Variants in PEX5L observed in about 807,000 individuals in gnomAD.
The protein encoded by PEX5L is peroxisomal biogenesis factor 5 like.
PEX5L carries 30 observed loss-of-function variants against 84.0 expected under a neutral mutation model. The observed-to-expected ratio is 0.36, with a 90% CI of 0.27 to 0.48. PEX5L has a LOEUF of 0.48. Ranked by LOEUF, PEX5L falls within the 20% of genes least tolerant of loss-of-function variation. The probability of loss-of-function intolerance (pLI) is 0.99; values close to 1 mark genes in which losing one functional copy is unlikely to be tolerated. For missense variants in PEX5L, 533 were observed against 754.6 expected, an observed-to-expected ratio of 0.71 and a Z score of 3.44; for synonymous variants, 270 against 283.1, an observed-to-expected ratio of 0.95 and a Z score of 0.46.
At position 179,997,801 on chromosome 3, in the gene PEX5L, T is replaced by G. The variant is rs535042767; in HGVS notation, c.22-26136A>C. Among the ~76,000 whole-genome samples, 3 of 152,378 alleles carry G rather than the reference T, an allele frequency of 2.0e-5. No homozygotes were observed. The East Asian group carries it at 5.8e-4, about 29-fold the overall frequency. On this transcript the variant is annotated intron_variant, in intron 1 of 14. Coordinates refer to ENST00000467460, the MANE Select transcript of PEX5L (RefSeq NM_016559.3). The stretch of plus-strand genomic sequence containing the variant: ...TGGTACCTGGTATGCAGCCACTGAC[T>G]TGGCAAATGCCTTTTTCTCCATTCC...
intron 1 of PEX5L, among the ~76,000 whole-genome samples, chr3:179,980,614 T>TCTTCATGAATATC (rs1786234744): frequency 6.6e-6 from 1 of 152,242 alleles, no homozygotes; most frequent in Non-Finnish European, 1.5e-5. Flanking sequence ...CCTACCATAT[T>TCTTCATGAATATC]CTTCATGAAT....
At chr3:180,027,628 T>C (rs752902374) in intron 1 of PEX5L, among the ~76,000 whole-genome samples, 1 of 152,140 alleles carries the variant, frequency 6.6e-6, no homozygotes, top group Non-Finnish European at 1.5e-5. Context: ...AGTATAGTCA[T>C]CCAGTTCAAA....
chr3:180,028,814 G>T (rs1291158621), intron 1 of PEX5L, among the ~76,000 whole-genome samples: 13 of 152,210 alleles, frequency 8.5e-5, no homozygotes, highest in African/African-American at 2.9e-4. Context: ...ATAAGGAACT[G>T]TTGACCTAGA....
intron 5 of PEX5L, 30 bp from the exon 6 acceptor site, chr3:179,875,507 AG>A: frequency 8.1e-7 from 1 of 1,232,736 alleles, no homozygotes; most frequent in Non-Finnish European, 1.1e-6. Flanking sequence ...CAGGTGAGGC[AG>A]GTGGCGGCAG....
In PEX5L at chr3:179,795,807, T is replaced by C. The variant is rs1305994447; in HGVS notation, c.*6021A>G. 1 of 152,212 alleles carries C rather than the reference T, an allele frequency of 6.6e-6. No individual in the cohort carries two copies. The highest frequency in any genetic ancestry group is 1.5e-5 in the Non-Finnish European group (1 of 68,032). The allele number at this position is 152,212 out of a possible 1,614,324, so 9.4% of individuals were successfully genotyped here. ...GCAATATTCATAGATATATAAAATATGTAGAAATGTCTTTTCTAAATAGTT... is the reference window on the plus strand; with the variant it reads ...GCAATATTCATAGATATATAAAATACGTAGAAATGTCTTTTCTAAATAGTT... On this transcript the variant is annotated 3_prime_UTR_variant, in exon 15 of 15. Transcript: ENST00000467460.
At position 179,879,915 on chromosome 3, in the gene PEX5L, A is replaced by G. The variant is rs1304473453; in HGVS notation, c.505+14T>C. Reference sequence around the variant, plus strand: ...GCAAGGTTGAGCATCCATAGCCGCAAGCGATTGCCTTACCTAGATCTAAGG... The same window carrying G: ...GCAAGGTTGAGCATCCATAGCCGCAGGCGATTGCCTTACCTAGATCTAAGG... On this transcript the variant is annotated intron_variant, in intron 5 of 14. Coordinates refer to ENST00000467460, the MANE Select transcript of PEX5L (RefSeq NM_016559.3). The G allele has an allele frequency of 6.5e-7, 1 of 1,536,978 alleles. No homozygotes were observed. The highest frequency in any genetic ancestry group is 8.7e-7 in the Non-Finnish European group (1 of 1,144,118).
intron 8 of PEX5L, among the ~76,000 whole-genome samples, chr3:179,858,597 C>T (rs930214256): frequency 2.6e-5 from 4 of 152,054 alleles, no homozygotes; most frequent in African/African-American, 9.7e-5. Flanking sequence ...TAGAATATTC[C>T]AGCCATGCCC....
At chr3:179,951,129 GA>G (rs1277958475) in intron 2 of PEX5L, among the ~76,000 whole-genome samples, 1 of 152,174 alleles carries the variant, frequency 6.6e-6, no homozygotes, top group Non-Finnish European at 1.5e-5. Flanking sequence ...CCACCTCAAT[GA>G]AATAATATCG....
chr3:179,948,706 C>T lies in PEX5L; in HGVS notation c.93+22888G>A, dbSNP rs73057327. On this transcript the variant is annotated intron_variant, in intron 2 of 14. Transcript: ENST00000467460. ...TCACTTCTACCCAATCCCCAATCCCCACCAGCTGCTGAAAAAACAAAGTAC... is the reference window on the plus strand; with the variant it reads ...TCACTTCTACCCAATCCCCAATCCCTACCAGCTGCTGAAAAAACAAAGTAC... Among the ~76,000 whole-genome samples, 1,241 of 152,276 alleles carry T rather than the reference C, an allele frequency of 8.1e-3. 20 individuals are homozygous for T. Among genetic ancestry groups the T allele is most frequent in the African/African-American group, 0.028 (1,177 of 41,550 alleles).
rs58708892 is a variant in PEX5L, at chr3:179,985,301, A to G, written c.22-13636T>C. Among the ~76,000 whole-genome samples the G allele has an allele frequency of 1.7e-3, 259 of 152,334 alleles. 1 individual carries two copies. Among genetic ancestry groups the G allele is most frequent in the African/African-American group, 5.9e-3 (247 of 41,586 alleles). On this transcript the variant is annotated intron_variant, in intron 1 of 14. Coordinates refer to ENST00000467460, the MANE Select transcript of PEX5L (RefSeq NM_016559.3). ...GCCAGGGTAGCTTTGGCTTCATCCA[A>G]TTCAAGCATGAAAGGTCATCTCGGT... is the stretch of plus-strand genomic sequence containing the variant.
chr3:179,973,136 C>T (rs1217429378), intron 1 of PEX5L: 1 of 1,231,618 alleles, frequency 8.1e-7, no homozygotes, highest in Non-Finnish European at 1.0e-6. Context: ...AGTGCCTTTC[C>T]AAATATTGAT....
chr3:179,906,378 CT>C (rs1763217126), intron 2 of PEX5L, among the ~76,000 whole-genome samples: 1 of 152,164 alleles, frequency 6.6e-6, no homozygotes, highest in Non-Finnish European at 1.5e-5. Context: ...TTCTAAGTTA[CT>C]AGAGATTATT....
chr3:179,916,227 T>C (rs1443630484), intron 2 of PEX5L, among the ~76,000 whole-genome samples: 1 of 152,160 alleles, frequency 6.6e-6, no homozygotes, highest in East Asian at 1.9e-4. Context: ...GTGGACACTA[T>C]AGAGTGTACT....
chr3:179,953,954 C>T (rs1001983593), intron 2 of PEX5L, among the ~76,000 whole-genome samples: 1 of 152,008 alleles, frequency 6.6e-6, no homozygotes, highest in Non-Finnish European at 1.5e-5. Flanking sequence ...TATAAATATC[C>T]CCAAAGGCAA....
chr3:179,916,032 T>G (rs1389454794), intron 2 of PEX5L, among the ~76,000 whole-genome samples: 4 of 152,212 alleles, frequency 2.6e-5, no homozygotes, highest in East Asian at 3.8e-4. Context: ...TCAAAGCCAG[T>G]AGCCTAGTAA....
Position 179,797,572 on chromosome 3 carries a change from T to TA in PEX5L, c.*4255dup, listed in dbSNP as rs1717428072. ...TTTTTACAAACTTTATGCCAGAGTT[T>TA]ATCTATGAACACTCTTTAAAAAAAA... On this transcript the variant is annotated 3_prime_UTR_variant, in exon 15 of 15. Coordinates refer to ENST00000467460, the MANE Select transcript of PEX5L (RefSeq NM_016559.3). The TA allele has an allele frequency of 7.2e-6, 1 of 137,954 alleles. No individual in the cohort carries two copies. The highest frequency in any genetic ancestry group is 2.3e-4 in the South Asian group (1 of 4,306). The allele number at this position is 137,954 out of a possible 1,614,324, so 8.5% of individuals were successfully genotyped here.
At chr3:179,973,657 T>C in intron 1 of PEX5L, 11 of 985,446 alleles carry the variant, frequency 1.1e-5, no homozygotes, top group Non-Finnish European at 1.3e-5. Context: ...ACAGATAGAA[T>C]GTCAGCACTC....
intron 8 of PEX5L, among the ~76,000 whole-genome samples, chr3:179,845,222 G>A (rs538699596): frequency 4.6e-5 from 7 of 152,274 alleles, no homozygotes; most frequent in African/African-American, 1.7e-4. Flanking sequence ...TTTGGGGCTT[G>A]AGGTTATTTA....
intron 1 of PEX5L, among the ~76,000 whole-genome samples, chr3:180,010,474 G>C (rs1301957982): frequency 1.3e-5 from 2 of 151,962 alleles, no homozygotes; most frequent in African/African-American, 4.8e-5. Context: ...AAAGAATTAT[G>C]TGTCCTGAAG....
Sources: gnomAD v4.1 joint callset for allele counts (sites outside exome capture counted in the v4.1 genomes callset) on GRCh38, gnomAD v4.1.1 for gene constraint, MANE v1.5 for transcripts, NCBI Gene and HGNC (gene_info 2026-07-23, HGNC 2026-07-21) for gene names.